The following WDPCP variants were observed in gnomAD, a reference collection of about 807,000 sequenced individuals.
The protein encoded by WDPCP is WD repeat containing planar cell polarity effector, also known as WD repeat-containing and planar cell polarity effector protein fritz homolog.
Under a neutral mutation model 93.1 loss-of-function variants are expected in WDPCP, and 71 were observed. The observed-to-expected ratio is 0.76, with a 90% CI of 0.63 to 0.93. WDPCP has a LOEUF of 0.93. WDPCP is among the 40% of genes least tolerant of loss of function. The pLI is 0.00. For missense variants in WDPCP, 844 were observed against 887.4 expected, an observed-to-expected ratio of 0.95 and a Z score of 0.62; for synonymous variants, 315 against 315.0, an observed-to-expected ratio of 1.00 and a Z score of 0.00.
At chr2:63,712,938 G>T (rs1230017892) in intron 2 of WDPCP, among the ~76,000 whole-genome samples, 1 of 152,176 alleles carries the variant, frequency 6.6e-6, no homozygotes, top group African/African-American at 2.4e-5. Flanking sequence ...AACTATTATA[G>T]ACACAGTGGA....
At chr2:63,394,709 A>T (rs914427472) in intron 10 of WDPCP, among the ~76,000 whole-genome samples, 4 of 152,212 alleles carry the variant, frequency 2.6e-5, no homozygotes, top group African/African-American at 9.7e-5. Flanking sequence ...ACATAGCCAT[A>T]AAAAAGAATG....
At chr2:63,603,627 GATTTT>G (rs1709470488) in intron 3 of WDPCP, among the ~76,000 whole-genome samples, 1 of 145,430 alleles carries the variant, frequency 6.9e-6, no homozygotes, top group African/African-American at 2.5e-5. Flanking sequence ...CAAGCAGGCT[GATTTT>G]ATTTAAATCT....
chr2:63,354,357 G>A (rs1689848676), intron 12 of WDPCP, among the ~76,000 whole-genome samples: 1 of 152,166 alleles, frequency 6.6e-6, no homozygotes, highest in African/African-American at 2.4e-5. Context: ...TTCCTCTGCT[G>A]CCTCCAAGTT....
intron 14 of WDPCP, among the ~76,000 whole-genome samples, chr2:63,198,807 G>A (rs564840664): frequency 5.8e-4 from 88 of 152,290 alleles, no homozygotes; most frequent in African/African-American, 2.0e-3. Flanking sequence ...AAAGATACCT[G>A]AAAATGTAGA....
At chr2:63,647,614 G>C (rs1047708525) in intron 3 of WDPCP, among the ~76,000 whole-genome samples, 2 of 152,156 alleles carry the variant, frequency 1.3e-5, no homozygotes, top group African/African-American at 4.8e-5. Flanking sequence ...TTTCCAGAGT[G>C]GGTGAGAGTG....
At chr2:63,355,361 A>C (rs1689943972) in intron 12 of WDPCP, among the ~76,000 whole-genome samples, 1 of 152,214 alleles carries the variant, frequency 6.6e-6, no homozygotes, top group South Asian at 2.1e-4. Flanking sequence ...AAGCTTCAAA[A>C]GTGAATGAGA....
At chr2:63,589,086 C>T, upstream of WDPCP, 1 of 1,614,212 alleles carries the variant, frequency 6.2e-7, no homozygotes, top group Non-Finnish European at 8.5e-7. Flanking sequence ...CTCTGGCCCT[C>T]GCGCCCTTGA....
At chr2:63,832,562 G>A (rs946355707), upstream of WDPCP, among the ~76,000 whole-genome samples, 4 of 152,142 alleles carry the variant, frequency 2.6e-5, no homozygotes, top group African/African-American at 9.7e-5. Context: ...GCTTAGAAGT[G>A]ATCACTTTTG....
chr2:63,597,559 C>T (rs1471836156), intron 3 of WDPCP: 3 of 1,419,182 alleles, frequency 2.1e-6, no homozygotes. Flanking sequence ...ATAAATACGC[C>T]AAGAAGTCAG....
chr2:63,516,646 T>C (rs906139581), intron 1 of WDPCP, among the ~76,000 whole-genome samples: 1 of 7,656 alleles, frequency 1.3e-4, no homozygotes, highest in Non-Finnish European at 1.7e-4. Flanking sequence ...CCACCTTGGA[T>C]GGAAATCCAC....
chr2:63,560,536 C>G (rs968089363), intron 1 of WDPCP, among the ~76,000 whole-genome samples: 1 of 152,136 alleles, frequency 6.6e-6, no homozygotes, highest in African/African-American at 2.4e-5. Flanking sequence ...GGTACACATA[C>G]GTTTATTGTG....
Position 63,326,610 on chromosome 2 carries a change from C to A in WDPCP, c.1749-13299G>T, listed in dbSNP as rs867706896. ...TCAAAGAAGGAAAGAGAGAAAGAGA[C>A]AGAGAGAGGAAGAGACAGAGAGACA... On this transcript the variant is annotated intron_variant, in intron 12 of 17. Coordinates refer to ENST00000272321, the MANE Select transcript of WDPCP (RefSeq NM_015910.7). Among the ~76,000 whole-genome samples the A allele has an allele frequency of 8.0e-5, 12 of 150,378 alleles. No homozygotes were observed. In the South Asian group the frequency reaches 1.5e-3, roughly 19 times the overall value.
At chr2:63,558,803 C>A (rs548361046) in intron 1 of WDPCP, among the ~76,000 whole-genome samples, 3 of 151,702 alleles carry the variant, frequency 2.0e-5, no homozygotes, top group Non-Finnish European at 4.4e-5. Context: ...GCCTACCAAC[C>A]AAAAAAACGC....
chr2:63,463,293 G>C lies in WDPCP; in HGVS notation c.384+21311C>G, dbSNP rs186976776. ...CAACCTTAGTGGAAGATTTGGCTGTGTAATAATCAGGAAAAAAGCATGATT... is the reference window on the plus strand; with the variant it reads ...CAACCTTAGTGGAAGATTTGGCTGTCTAATAATCAGGAAAAAAGCATGATT... On this transcript the variant is annotated intron_variant, in intron 6 of 17. Coordinates refer to ENST00000272321, the MANE Select transcript of WDPCP (RefSeq NM_015910.7). Among the ~76,000 whole-genome samples, 229 of 152,214 alleles carry C rather than the reference G, an allele frequency of 1.5e-3. 2 individuals carry two copies. Among genetic ancestry groups the C allele is most frequent in the Middle Eastern group, 3.4e-3 (1 of 294 alleles).
intron 1 of WDPCP, among the ~76,000 whole-genome samples, chr2:63,532,912 G>T (rs530508177): frequency 3.3e-5 from 5 of 152,252 alleles, no homozygotes; most frequent in Admixed American, 3.3e-4. Context: ...GACACAGACT[G>T]GCAAATTGGA....
At chr2:63,772,136 G>T (rs908410545) in intron 2 of WDPCP, among the ~76,000 whole-genome samples, 1 of 151,928 alleles carries the variant, frequency 6.6e-6, no homozygotes, top group Admixed American at 6.6e-5. Context: ...TTCCACAGTG[G>T]CTGAACTAAT....
chr2:63,636,908 C>A (rs1267542077), intron 3 of WDPCP, among the ~76,000 whole-genome samples: 2 of 152,136 alleles, frequency 1.3e-5, no homozygotes, highest in Non-Finnish European at 2.9e-5. Context: ...TACATCACTT[C>A]CAAAAATTAA....
At chr2:63,370,843 A>G (rs1691317395) in intron 12 of WDPCP, among the ~76,000 whole-genome samples, 1 of 152,038 alleles carries the variant, frequency 6.6e-6, no homozygotes, top group South Asian at 2.1e-4. Context: ...ATCTTGTCAA[A>G]GAAGAAATGT....
intron 2 of WDPCP, among the ~76,000 whole-genome samples, chr2:63,722,579 C>G (rs1309128575): frequency 2.8e-5 from 4 of 143,354 alleles, no homozygotes; most frequent in Admixed American, 2.1e-4. Flanking sequence ...CAGCCCCCCG[C>G]CCGGCCAGCC....
Sources: gnomAD v4.1 joint callset for allele counts (sites outside exome capture counted in the v4.1 genomes callset) on GRCh38, gnomAD v4.1.1 for gene constraint, MANE v1.5 for transcripts, NCBI Gene and HGNC (gene_info 2026-07-23, HGNC 2026-07-21) for gene names.